The following SETBP1 variants were observed in gnomAD, a reference collection of about 807,000 sequenced individuals.
SETBP1 encodes the protein SET-binding protein.
SETBP1 carries 9 observed loss-of-function variants against 101.0 expected under a neutral mutation model. The observed-to-expected ratio is 0.09, with a 90% CI of 0.05 to 0.16. SETBP1 has a LOEUF of 0.16. Among genes scored for constraint, SETBP1 ranks in the 10% least tolerant of loss-of-function variants. SETBP1 has a pLI of 1.00. For synonymous variants in SETBP1, 818 were observed against 788.5 expected (o/e 1.04, Z -0.63); for missense variants, 1,858 against 2,033.8 (o/e 0.91, Z 1.66).
intron 2 of SETBP1, among the ~76,000 whole-genome samples, chr18:44,806,247 T>A (rs1338001918): frequency 6.6e-6 from 1 of 152,216 alleles, no homozygotes; most frequent in African/African-American, 2.4e-5. Context: ...TTTTCCCTTA[T>A]GGATAACTTT....
At chr18:44,936,736 G>A (rs558732976) in intron 3 of SETBP1, among the ~76,000 whole-genome samples, 28 of 152,254 alleles carry the variant, frequency 1.8e-4, no homozygotes, top group South Asian at 4.2e-4. Context: ...CCAAGGACAC[G>A]CAGATAGACT....
chr18:44,781,883 T>A (rs945588146), intron 2 of SETBP1, among the ~76,000 whole-genome samples: 1 of 152,232 alleles, frequency 6.6e-6, no homozygotes, highest in Non-Finnish European at 1.5e-5. Flanking sequence ...TGTTAATCAC[T>A]GGTTTTTGTG....
chr18:44,691,090 C>T (rs189342577), intron 1 of SETBP1, among the ~76,000 whole-genome samples: 2 of 152,270 alleles, frequency 1.3e-5, no homozygotes, highest in Non-Finnish European at 1.5e-5. Context: ...CAACTAACAA[C>T]TTTTGGTCAA....
At chr18:44,920,781 AG>A (rs1322037807) in intron 3 of SETBP1, among the ~76,000 whole-genome samples, 1 of 152,186 alleles carries the variant, frequency 6.6e-6, no homozygotes, top group Non-Finnish European at 1.5e-5. Context: ...TCCTCCACTC[AG>A]GCTTCCCCAC....
intron 5 of SETBP1, among the ~76,000 whole-genome samples, chr18:45,051,342 AT>A (rs550644624): frequency 6.6e-6 from 1 of 151,992 alleles, no homozygotes; most frequent in East Asian, 1.9e-4. Flanking sequence ...AGTTAAAGCA[AT>A]TTTTTTTCAA....
chr18:44,880,618 A>C (rs1413098748), intron 3 of SETBP1, among the ~76,000 whole-genome samples: 1 of 152,182 alleles, frequency 6.6e-6, no homozygotes, highest in African/African-American at 2.4e-5. Flanking sequence ...TCTGCTTGGC[A>C]TCTGGGGAGG....
At chr18:44,793,368 C>T (rs1020255315) in intron 2 of SETBP1, among the ~76,000 whole-genome samples, 5 of 152,160 alleles carry the variant, frequency 3.3e-5, no homozygotes, top group South Asian at 2.1e-4. Context: ...CACTGAGCAC[C>T]GGCATATTGC....
At chr18:44,973,958 C>A (rs1362172693) in intron 4 of SETBP1, among the ~76,000 whole-genome samples, 1 of 152,084 alleles carries the variant, frequency 6.6e-6, no homozygotes, top group Non-Finnish European at 1.5e-5. Flanking sequence ...TAGTCCAGAA[C>A]CATTTTGTTA....
chr18:44,991,025 C>T (rs1191505472), intron 4 of SETBP1, among the ~76,000 whole-genome samples: 7 of 150,286 alleles, frequency 4.7e-5, no homozygotes, highest in African/African-American at 1.7e-4. Context: ...CCAAGGCAGG[C>T]GGATCACCTG....
chr18:44,684,315 A>G (rs1297249127), intron 1 of SETBP1, among the ~76,000 whole-genome samples: 2 of 152,242 alleles, frequency 1.3e-5, no homozygotes, highest in Non-Finnish European at 2.9e-5. Context: ...TGAAAAGTGC[A>G]GGAAAGAAAA....
At chr18:44,687,858 T>G (rs1255825289) in intron 1 of SETBP1, among the ~76,000 whole-genome samples, 1 of 152,096 alleles carries the variant, frequency 6.6e-6, no homozygotes, top group Admixed American at 6.6e-5. Flanking sequence ...GTTCCTGAGG[T>G]GTCCTCTCCA....
chr18:44,737,310 T>C lies in SETBP1; in HGVS notation c.486+35478T>C, dbSNP rs143804326. Among the ~76,000 whole-genome samples the C allele has an allele frequency of 5.5e-3, 845 of 152,280 alleles. 1 individual carries two copies. The highest frequency in any genetic ancestry group is 8.4e-3 in the Non-Finnish European group (568 of 68,012). The stretch of plus-strand genomic sequence containing the variant: ...GTTAGTCTCTAGAAGTGGAGTGGAC[T>C]GGTGTCTGAGGTGAGTATAGCCCAC... On this transcript the variant is annotated intron_variant, in intron 2 of 5. Coordinates refer to ENST00000649279, the MANE Select transcript of SETBP1 (RefSeq NM_015559.3).
intron 4 of SETBP1, among the ~76,000 whole-genome samples, chr18:44,995,392 C>T (rs1197738703): frequency 2.6e-5 from 4 of 152,040 alleles, no homozygotes; most frequent in African/African-American, 7.2e-5. Flanking sequence ...CTGCCCACCT[C>T]GGCCTCCCTA....
intron 1 of SETBP1, among the ~76,000 whole-genome samples, chr18:44,689,462 T>G (rs1045082152): frequency 1.3e-5 from 2 of 152,172 alleles, no homozygotes; most frequent in African/African-American, 4.8e-5. Context: ...ACCTTCCAAC[T>G]CTCTGAATTA....
intron 3 of SETBP1, among the ~76,000 whole-genome samples, chr18:44,933,198 T>C (rs2070877415): frequency 6.6e-6 from 1 of 152,248 alleles, no homozygotes; most frequent in South Asian, 2.1e-4. Flanking sequence ...GCAGGTCTGT[T>C]GGAGTTTGCT....
At chr18:44,787,053 C>T (rs1177608581) in intron 2 of SETBP1, among the ~76,000 whole-genome samples, 1 of 152,110 alleles carries the variant, frequency 6.6e-6, no homozygotes, top group East Asian at 1.9e-4. Flanking sequence ...GACTTTGATG[C>T]CCTGTCAGTT....
At chr18:44,833,798 G>A (rs879166791) in intron 2 of SETBP1, among the ~76,000 whole-genome samples, 1 of 152,216 alleles carries the variant, frequency 6.6e-6, no homozygotes, top group Non-Finnish European at 1.5e-5. Context: ...TATTTTAAGT[G>A]GAAAGGGGAA....
At chr18:44,983,079 G>T (rs1568008507) in intron 4 of SETBP1, among the ~76,000 whole-genome samples, 1 of 152,112 alleles carries the variant, frequency 6.6e-6, no homozygotes, top group Admixed American at 6.5e-5. Flanking sequence ...ACCAGGCCTT[G>T]TAGGTAACTT....
chr18:44,805,116 T>G (rs1317251772), intron 2 of SETBP1, among the ~76,000 whole-genome samples: 1 of 152,136 alleles, frequency 6.6e-6, no homozygotes, highest in African/African-American at 2.4e-5. Context: ...CTACACTTTG[T>G]CCATACAACT....
Sources: allele counts gnomAD v4.1 joint callset (sites outside exome capture counted in the v4.1 genomes callset), GRCh38; gene constraint gnomAD v4.1.1; transcripts MANE v1.5; gene names NCBI Gene and HGNC (gene_info 2026-07-23, HGNC 2026-07-21).